Variants in RAPGEF4 observed in about 807,000 individuals in gnomAD.
RAPGEF4 encodes Rap guanine nucleotide exchange factor 4, also known as RAP guanine-nucleotide-exchange factor (GEF) 4.
In RAPGEF4, 66 loss-of-function variants were observed where a neutral mutation model predicts 147.9. That is an observed-to-expected ratio of 0.45 (90% CI 0.37 to 0.55). The LOEUF (loss-of-function observed/expected upper bound fraction) is 0.55. Ranked by LOEUF, RAPGEF4 falls within the 20% of genes least tolerant of loss-of-function variation. The probability of loss-of-function intolerance (pLI) is 0.00; values close to 1 mark genes in which losing one functional copy is unlikely to be tolerated. For missense variants in RAPGEF4, 1,071 were observed against 1,257.3 expected, an observed-to-expected ratio of 0.85 and a Z score of 2.24; for synonymous variants, 419 against 442.7, an observed-to-expected ratio of 0.95 and a Z score of 0.67.
chr2:172,902,948 T>C (rs1465913423), intron 4 of RAPGEF4, among the ~76,000 whole-genome samples: 1 of 152,174 alleles, frequency 6.6e-6, no homozygotes, highest in African/African-American at 2.4e-5. Context: ...GACAAGGATG[T>C]TTTCAGGTTG....
At chr2:172,813,655 T>C (rs939759833) in intron 3 of RAPGEF4, among the ~76,000 whole-genome samples, 6 of 152,214 alleles carry the variant, frequency 3.9e-5, no homozygotes, top group Admixed American at 6.5e-5. Flanking sequence ...CAGTTTCTTA[T>C]TTAAATATTG....
At chr2:172,994,515 A>G (rs1693130911) in intron 15 of RAPGEF4, among the ~76,000 whole-genome samples, 1 of 152,226 alleles carries the variant, frequency 6.6e-6, no homozygotes, top group South Asian at 2.1e-4. Flanking sequence ...TGAAGATAAT[A>G]TTTAACTAGC....
Position 172,985,591 on chromosome 2 carries a change from C to T in RAPGEF4, c.1150+98C>T, listed in dbSNP as rs898353920. The T allele has an allele frequency of 9.0e-6, 14 of 1,548,192 alleles. No individual in the cohort carries two copies. The East Asian group carries it at 9.4e-5, about 10-fold the overall frequency. Reference sequence around the variant, plus strand: ...CTGCTAACGCCTCACTTCTTGGCCCCGGGTCTGGCTTGGTGACTTGGCAGG... The same window carrying T: ...CTGCTAACGCCTCACTTCTTGGCCCTGGGTCTGGCTTGGTGACTTGGCAGG... On this transcript the variant is annotated intron_variant, in intron 12 of 30. Transcript: ENST00000397081.
intron 6 of RAPGEF4, among the ~76,000 whole-genome samples, chr2:172,957,571 C>G (rs367621032): frequency 1.3e-5 from 2 of 152,196 alleles, no homozygotes; most frequent in Non-Finnish European, 2.9e-5. Flanking sequence ...AATACAGTGT[C>G]CCTTTCAAAG....
chr2:173,011,167 C>CGT (rs1176776391), intron 17 of RAPGEF4, among the ~76,000 whole-genome samples: 5 of 96,922 alleles, frequency 5.2e-5, no homozygotes, highest in South Asian at 3.6e-4. Flanking sequence ...TCAGCGCGCG[C>CGT]GCGCACACAC....
chr2:172,967,818 T>C (rs538352220), intron 10 of RAPGEF4, among the ~76,000 whole-genome samples: 16 of 152,326 alleles, frequency 1.1e-4, no homozygotes, highest in African/African-American at 3.8e-4. Context: ...ATCAGGACCA[T>C]AGCCTTCATG....
At chr2:172,808,035 C>A (rs1283720248) in intron 3 of RAPGEF4, among the ~76,000 whole-genome samples, 2 of 152,082 alleles carry the variant, frequency 1.3e-5, no homozygotes, top group African/African-American at 4.8e-5. Flanking sequence ...TTTTAAATTC[C>A]ATCAGAATAC....
chr2:173,023,214 G>A (rs1300571422), intron 23 of RAPGEF4, among the ~76,000 whole-genome samples: 3 of 152,142 alleles, frequency 2.0e-5, no homozygotes, highest in Non-Finnish European at 4.4e-5. Context: ...TCCCTTTTAT[G>A]TCTTAGTCTC....
chr2:172,759,972 A>AT (rs1447941293), intron 1 of RAPGEF4, among the ~76,000 whole-genome samples: 2 of 152,264 alleles, frequency 1.3e-5, no homozygotes, highest in Admixed American at 1.3e-4. Flanking sequence ...AATTCCTTGA[A>AT]TTTTCTCTTT....
chr2:172,752,088 G>GAACTGATAAGTACCA (rs1695356793), intron 1 of RAPGEF4, among the ~76,000 whole-genome samples: 1 of 7,332 alleles, frequency 1.4e-4, no homozygotes, highest in Non-Finnish European at 2.2e-3. Context: ...TTTAAATGGT[G>GAACTGATAAGTACCA]TTGTAAAGAT....
At position 172,983,589 on chromosome 2, in the gene RAPGEF4, T is replaced by C. The variant is rs1437662749; in HGVS notation, c.1089+9T>C. The C allele has an allele frequency of 4.3e-6, 7 of 1,612,984 alleles. No individual in the cohort carries two copies. The highest frequency in any genetic ancestry group is 1.3e-5 in the African/African-American group (1 of 74,832). Reference sequence around the variant, plus strand: ...CCCATCTTTCTACCACAGTAAGTTGTCTCTTAGTTTAGCATGGTTGGAGCA... The same window carrying C: ...CCCATCTTTCTACCACAGTAAGTTGCCTCTTAGTTTAGCATGGTTGGAGCA... On this transcript the variant is annotated intron_variant, in intron 11 of 30. Coordinates refer to ENST00000397081, the MANE Select transcript of RAPGEF4 (RefSeq NM_007023.4).
intron 10 of RAPGEF4, among the ~76,000 whole-genome samples, chr2:172,974,342 T>C (rs1690832377): frequency 1.3e-5 from 2 of 152,182 alleles, no homozygotes; most frequent in African/African-American, 4.8e-5. Context: ...CATGGGTTTA[T>C]GCTTTGAGCA....
At position 172,744,506 on chromosome 2, in the gene RAPGEF4, G is replaced by C. The variant is rs1472110315; in HGVS notation, c.65+8458G>C. 9.4e-6 allele frequency: 4 copies of C among 427,558 alleles called. No individual in the cohort carries two copies. In the East Asian group the frequency reaches 3.0e-4, roughly 32 times the overall value. The allele number at this position is 427,558 out of a possible 1,614,324, so 26.5% of individuals were successfully genotyped here. A position where few individuals can be genotyped will look rare whatever the true frequency, so the allele number is the denominator to read the frequency against. On this transcript the variant is annotated intron_variant, in intron 1 of 30. Transcript: ENST00000397081. ...AGGTTAAAAATTTAGGAGTCAGACT[G>C]TATAGGCTCAAACCCCAGTTTTAAT...
intron 1 of RAPGEF4, among the ~76,000 whole-genome samples, chr2:172,753,194 T>C (rs1438692261): frequency 6.6e-6 from 1 of 152,168 alleles, no homozygotes; most frequent in East Asian, 1.9e-4. Context: ...TGAAATATCA[T>C]AAAGTGGTTG....
chr2:172,895,836 A>G (rs1293745994), intron 4 of RAPGEF4, among the ~76,000 whole-genome samples: 2 of 152,366 alleles, frequency 1.3e-5, no homozygotes, highest in African/African-American at 4.8e-5. Context: ...ATGCAGAATG[A>G]TTGGTTTACC....
At chr2:173,034,748 C>G (rs1318699799) in intron 27 of RAPGEF4, among the ~76,000 whole-genome samples, 3 of 151,874 alleles carry the variant, frequency 2.0e-5, no homozygotes, top group African/African-American at 7.3e-5. Context: ...GTGGCCTACA[C>G]CTGTGGTCCC....
intron 6 of RAPGEF4, among the ~76,000 whole-genome samples, chr2:172,946,340 A>T (rs928502596): frequency 6.6e-6 from 1 of 152,204 alleles, no homozygotes; most frequent in African/African-American, 2.4e-5. Context: ...AAACTTTTTT[A>T]TACTTTCCAA....
At position 173,052,077 on chromosome 2, in the gene RAPGEF4, A is replaced by G. The variant is rs1025318883; in HGVS notation, c.*310A>G. ...CCCACGTGAAGAGTTTGGTAGAAATAGCCTTGTCAAGAGAACTAGCAAGCC... is the reference window on the plus strand; with the variant it reads ...CCCACGTGAAGAGTTTGGTAGAAATGGCCTTGTCAAGAGAACTAGCAAGCC... On this transcript the variant is annotated 3_prime_UTR_variant, in exon 31 of 31. Coordinates refer to ENST00000397081, the MANE Select transcript of RAPGEF4 (RefSeq NM_007023.4). 2.7e-5 allele frequency: 5 copies of G among 184,814 alleles called. 1 individual carries two copies. The highest frequency in any genetic ancestry group is 9.4e-5 in the African/African-American group (4 of 42,748). 11.4% of individuals were successfully genotyped at this position (184,814 alleles called of 1,614,324 possible). A position where few individuals can be genotyped will look rare whatever the true frequency, so the allele number is the denominator to read the frequency against.
At chr2:172,923,721 G>A (rs546561681) in intron 6 of RAPGEF4, among the ~76,000 whole-genome samples, 1 of 152,166 alleles carries the variant, frequency 6.6e-6, no homozygotes, top group Non-Finnish European at 1.5e-5. Flanking sequence ...AAATGTGGAT[G>A]TTACCTTAAA....
Sources: gnomAD v4.1 joint callset for allele counts (sites outside exome capture counted in the v4.1 genomes callset) on GRCh38, gnomAD v4.1.1 for gene constraint, MANE v1.5 for transcripts, NCBI Gene and HGNC (gene_info 2026-07-23, HGNC 2026-07-21) for gene names.